GOSR1: variants seen among roughly 807,000 people sequenced by gnomAD.
GOSR1 encodes the protein golgi SNAP receptor complex member 1.
In GOSR1, 21 loss-of-function variants were observed where a neutral mutation model predicts 35.5. The observed-to-expected ratio is 0.59, with a 90% CI of 0.42 to 0.85. GOSR1 has a LOEUF of 0.85. GOSR1 is among the 40% of genes least tolerant of loss of function. GOSR1 has a pLI of 0.00. For missense variants in GOSR1, 285 were observed against 309.6 expected (o/e 0.92, Z 0.60); for synonymous variants, 94 against 106.6 (o/e 0.88, Z 0.73).
intron 6 of GOSR1, among the ~76,000 whole-genome samples, chr17:30,506,261 C>G (rs1360972073): frequency 6.6e-6 from 1 of 152,364 alleles, no homozygotes; most frequent in East Asian, 1.9e-4. Flanking sequence ...AAGCTGAAAA[C>G]TAGGCCTCTT....
At chr17:30,503,969 G>T (rs567377512) in intron 6 of GOSR1, among the ~76,000 whole-genome samples, 1 of 151,718 alleles carries the variant, frequency 6.6e-6, no homozygotes, top group South Asian at 2.1e-4. Context: ...CCCTTCTTCT[G>T]TAGGGTAGCA....
intron 6 of GOSR1, among the ~76,000 whole-genome samples, chr17:30,502,066 G>A (rs1394246770): frequency 1.3e-5 from 2 of 152,208 alleles, no homozygotes; most frequent in Non-Finnish European, 2.9e-5. Flanking sequence ...AAAAGACATG[G>A]GGGAACTTTA....
intron 1 of GOSR1, chr17:30,480,216 A>C (rs191724822): frequency 6.6e-6 from 1 of 151,994 alleles, no homozygotes; most frequent in Non-Finnish European, 1.5e-5. Context: ...TAGTTGAGGC[A>C]TGAGAGTTGC....
Position 30,520,081 on chromosome 17 carries a change from T to G in GOSR1, c.622+60T>G, listed in dbSNP as rs1006234013. On this transcript the variant is annotated intron_variant, in intron 8 of 8. Coordinates refer to ENST00000451249, the MANE Select transcript of GOSR1 (RefSeq NM_001007025.2). ...AGGGTAGAGGGGAGAAGTGTCTGTG[T>G]GTGCTTTTATAGGGGGCAGGTTGCC... 3.7e-6 allele frequency: 4 copies of G among 1,071,128 alleles called. No homozygotes were observed. In the African/African-American group the frequency reaches 6.2e-5, roughly 17 times the overall value. 66.4% of individuals were successfully genotyped at this position (1,071,128 alleles called of 1,614,324 possible).
chr17:30,517,548 A>C lies in GOSR1; in HGVS notation c.540-2391A>C, dbSNP rs150334246. Among the ~76,000 whole-genome samples, 65 of 152,022 alleles carry C rather than the reference A, an allele frequency of 4.3e-4. No individual in the cohort carries two copies. In the East Asian group the frequency reaches 0.01, roughly 24 times the overall value. The stretch of plus-strand genomic sequence containing the variant: ...TTAATAACCAAAGTATGGTTATATC[A>C]TAATCTATTATACCATTCAAATGTT... On this transcript the variant is annotated intron_variant, in intron 7 of 8. Transcript: ENST00000451249.
chr17:30,502,415 G>A (rs1335104513), intron 6 of GOSR1, among the ~76,000 whole-genome samples: 3 of 152,222 alleles, frequency 2.0e-5, no homozygotes, highest in Non-Finnish European at 4.4e-5. Context: ...ATCACAGGTG[G>A]AGGAGAACGG....
chr17:30,483,298 G>C (rs1177626923), intron 2 of GOSR1, among the ~76,000 whole-genome samples: 3 of 152,044 alleles, frequency 2.0e-5, no homozygotes, highest in Admixed American at 2.0e-4. Context: ...AATACAATGA[G>C]TATAGAATAA....
chr17:30,486,132 T>G (rs940418679), intron 4 of GOSR1, among the ~76,000 whole-genome samples: 3 of 151,942 alleles, frequency 2.0e-5, no homozygotes, highest in African/African-American at 4.8e-5. Context: ...AACATTCCCA[T>G]TGTATGAAAC....
rs1049772272 is a variant in GOSR1 at position 30,492,664 on chromosome 17, T to C, written c.435-15T>C. 3 of 1,487,588 alleles carry C rather than the reference T, an allele frequency of 2.0e-6. No homozygotes were observed. Among genetic ancestry groups the C allele is most frequent in the African/African-American group, 2.8e-5 (2 of 72,114 alleles). The allele number at this position is 1,487,588 out of a possible 1,614,324, so 92.1% of individuals were successfully genotyped here. On this transcript the variant is annotated splice_polypyrimidine_tract_variant and intron_variant, in intron 5 of 8. Coordinates refer to ENST00000451249, the MANE Select transcript of GOSR1 (RefSeq NM_001007025.2). ...CTCTGCCAAAAATGTTTTTAAATTT[T>C]CTCTTTTGTCCCAGGTCATATAAAA...
intron 2 of GOSR1, among the ~76,000 whole-genome samples, chr17:30,483,321 A>T (rs1245414015): frequency 6.6e-6 from 1 of 152,110 alleles, no homozygotes; most frequent in African/African-American, 2.4e-5. Flanking sequence ...AGTAGTAGAG[A>T]TTGCTCTCGT....
intron 7 of GOSR1, 58 bp downstream of exon 7, chr17:30,510,967 A>G: frequency 1.0e-6 from 1 of 985,828 alleles, no homozygotes; most frequent in Admixed American, 1.8e-5. Context: ...CGTAAATTTA[A>G]TGAACAGTGT....
chr17:30,481,026 T>A, intron 1 of GOSR1, 117 bp from the exon 2 acceptor site: 1 of 687,798 alleles, frequency 1.5e-6, no homozygotes. Flanking sequence ...CTTTTCTTTA[T>A]GGGGGTAACA....
At chr17:30,500,920 G>T (rs1017061410) in intron 6 of GOSR1, among the ~76,000 whole-genome samples, 2 of 142,220 alleles carry the variant, frequency 1.4e-5, no homozygotes, top group African/African-American at 2.7e-5. Flanking sequence ...TCGCTCTGTC[G>T]CCCAGGCTGG....
At chr17:30,497,148 C>T (rs1257907938) in intron 6 of GOSR1, among the ~76,000 whole-genome samples, 6 of 152,082 alleles carry the variant, frequency 3.9e-5, no homozygotes, top group Admixed American at 6.5e-5. Flanking sequence ...CTGTAATCTC[C>T]GCTACTCAGG....
chr17:30,501,722 C>T (rs1967216604), intron 6 of GOSR1, among the ~76,000 whole-genome samples: 1 of 152,172 alleles, frequency 6.6e-6, no homozygotes, highest in East Asian at 1.9e-4. Context: ...TCTTGAACTC[C>T]TGACCTCGTG....
At chr17:30,509,387 G>T (rs757654672) in intron 6 of GOSR1, among the ~76,000 whole-genome samples, 1 of 152,220 alleles carries the variant, frequency 6.6e-6, no homozygotes, top group Non-Finnish European at 1.5e-5. Flanking sequence ...GGGATTACAG[G>T]CATGAGCCAC....
rs181108986 is a variant in GOSR1, at chr17:30,523,377, G to C, written c.*999G>C. 8 of 173,976 alleles carry C rather than the reference G, an allele frequency of 4.6e-5. No homozygotes were observed. In the East Asian group the frequency reaches 7.3e-4, roughly 16 times the overall value. 10.8% of individuals were successfully genotyped at this position (173,976 alleles called of 1,614,324 possible). On this transcript the variant is annotated 3_prime_UTR_variant, in exon 9 of 9. Transcript: ENST00000451249. ...CGTCTGGGAGGTGAGGAGCGTCTCT[G>C]TCTGGCCACCCCGTCTGAGAAGTGA... is the stretch of plus-strand genomic sequence containing the variant.
intron 1 of GOSR1, chr17:30,477,797 C>T (rs1914042898): frequency 1.0e-6 from 1 of 985,172 alleles, no homozygotes; most frequent in Admixed American, 6.2e-5. Context: ...GGGGTACGAA[C>T]TCTGAGAGGA....
At chr17:30,510,617 G>A in intron 6 of GOSR1, 1 of 231,390 alleles carries the variant, frequency 4.3e-6, no homozygotes, top group Admixed American at 5.8e-5. Context: ...GGGAAGCTGA[G>A]GCAGGAGAAT....
Sources: gnomAD v4.1 joint callset for allele counts (sites outside exome capture counted in the v4.1 genomes callset) on GRCh38, gnomAD v4.1.1 for gene constraint, MANE v1.5 for transcripts, NCBI Gene and HGNC (gene_info 2026-07-23, HGNC 2026-07-21) for gene names.